BEST4: variants seen among roughly 807,000 people sequenced by gnomAD.
BEST4 encodes the protein bestrophin 4, also known as bestrophin-4.
In BEST4, 36 loss-of-function variants were observed where a neutral mutation model predicts 47.1. The observed-to-expected ratio is 0.76, with a 90% confidence interval of 0.59 to 1.01. The LOEUF is 1.01. Ranked by LOEUF, BEST4 falls within the 50% of genes least tolerant of loss-of-function variation. The probability of loss-of-function intolerance (pLI) is 0.00; values close to 1 mark genes in which losing one functional copy is unlikely to be tolerated. For missense variants in BEST4, 550 were observed against 648.6 expected, an observed-to-expected ratio of 0.85 and a Z score of 1.65; for synonymous variants, 250 against 277.8, an observed-to-expected ratio of 0.90 and a Z score of 1.00.
intron 6 of BEST4, 54 bp downstream of exon 6, chr1:44,785,054 C>A: frequency 6.2e-7 from 1 of 1,609,802 alleles, no homozygotes; most frequent in Non-Finnish European, 8.5e-7. Flanking sequence ...TCGGGGCAGC[C>A]CCTCTGCCCA....
chr1:44,787,337 A>AG (rs748066112), intron 2 of BEST4, 35 bp downstream of exon 2: 1 of 1,606,772 alleles, frequency 6.2e-7, no homozygotes, highest in South Asian at 1.1e-5. Flanking sequence ...GAACACAGTA[A>AG]GGGGGACACA....
downstream of BEST4, among the ~76,000 whole-genome samples, chr1:44,782,230 C>T (rs998328525): frequency 1.5e-5 from 2 of 135,624 alleles, no homozygotes; most frequent in African/African-American, 6.3e-5. Flanking sequence ...CTTGTAAAAG[C>T]TGCAGAAAAA....
At chr1:44,788,312 A>G (rs553987730), upstream of BEST4, among the ~76,000 whole-genome samples, 1 of 152,328 alleles carries the variant, frequency 6.6e-6, no homozygotes, top group South Asian at 2.1e-4. Context: ...TTACCCCTGT[A>G]GGGTTGGGCT....
chr1:44,792,708 C>T (rs79513254), upstream of BEST4, among the ~76,000 whole-genome samples: 3 of 152,122 alleles, frequency 2.0e-5, no homozygotes, highest in Admixed American at 6.6e-5. Flanking sequence ...CTTGACCCTC[C>T]TCCGTTGGCC....
In BEST4 at chr1:44,784,660, G is replaced by C; in HGVS notation, c.1117C>G (p.Pro373Ala). 6.2e-7 allele frequency: 1 copy of C among 1,613,552 alleles called. No individual in the cohort carries two copies. Among genetic ancestry groups the C allele is most frequent in the South Asian group, 1.1e-5 (1 of 91,038 alleles). Residue 373 changes from proline to alanine, a missense_variant, in exon 8 of 9, where the codon CCC (proline) becomes GCC (alanine). Transcript: ENST00000372207. This position sits in a 1 kb window ranked among gnomAD's most constrained non-coding sequence, Gnocchi z 6.2. ...TTGAAGGTGGAGCCCAGGAATGAGG[G>C]CCGCAGAGACTCGGCCGCCGTGGCC... ...TVATAAESLR[P>A]SFLGSTFNLR...
At chr1:44,783,172 CT>C (rs1298161689), downstream of BEST4, among the ~76,000 whole-genome samples, 1 of 152,206 alleles carries the variant, frequency 6.6e-6, no homozygotes, top group Admixed American at 6.5e-5. Context: ...CCAGGCTGGT[CT>C]TTAACTCCTG....
chr1:44,788,894 G>T (rs910057279), upstream of BEST4, among the ~76,000 whole-genome samples: 2 of 152,176 alleles, frequency 1.3e-5, no homozygotes, highest in Admixed American at 6.5e-5. Flanking sequence ...ACTCCTAGGG[G>T]TGCCCAAGAT....
rs41269079 is a variant in BEST4, at chr1:44,786,343, T to A, written c.482-115A>T. 266,421 of 1,454,302 alleles carry A rather than the reference T, an allele frequency of 0.18. 25,261 individuals are homozygous for A. The highest frequency in any genetic ancestry group is 0.19 in the Non-Finnish European group (209,059 of 1,085,324). The allele number at this position is 1,454,302 out of a possible 1,614,324, so 90.1% of individuals were successfully genotyped here. On this transcript the variant is annotated intron_variant, in intron 3 of 8. Transcript: ENST00000372207. The surrounding 1 kb of genome is among the most constrained non-coding windows in gnomAD (Gnocchi z 4.9). Reference sequence around the variant, plus strand: ...CACCGGCTGTCCCAGGACTCGCGGTTCCGCGTTCCTGTCGCAGTCCAGACC... The same window carrying A: ...CACCGGCTGTCCCAGGACTCGCGGTACCGCGTTCCTGTCGCAGTCCAGACC...
chr1:44,784,821 C>T lies in BEST4; in HGVS notation c.994-38G>A, dbSNP rs776518836. On this transcript the variant is annotated intron_variant, in intron 7 of 8. Transcript: ENST00000372207. The surrounding 1 kb of genome is among the most constrained non-coding windows in gnomAD (Gnocchi z 6.2). ...CAAGTTACAAGGATCCTCCTCTCCT[C>T]TCCTTCCCACGGCCGGGCTGAGAGC... The T allele has an allele frequency of 1.1e-5, 18 of 1,601,638 alleles. No individual in the cohort carries two copies. The highest frequency in any genetic ancestry group is 2.2e-5 in the East Asian group (1 of 44,780).
rs1285159977 is a variant in BEST4, at chr1:44,786,740, G to A, written c.248-44C>T. On this transcript the variant is annotated intron_variant, in intron 2 of 8. Coordinates refer to ENST00000372207, the MANE Select transcript of BEST4 (RefSeq NM_153274.3). The surrounding 1 kb of genome is among the most constrained non-coding windows in gnomAD (Gnocchi z 4.9). ...AGAGGGAGTAGGAAGGGAGAGTGGA[G>A]AGCCTGGGGGTCGGAGCGCCTCACC... 7 of 1,469,030 alleles carry A rather than the reference G, an allele frequency of 4.8e-6. No individual in the cohort carries two copies. In the African/African-American group the frequency reaches 8.4e-5, roughly 18 times the overall value. 91.0% of individuals were successfully genotyped at this position (1,469,030 alleles called of 1,614,324 possible).
intron 5 of BEST4, 79 bp from the exon 6 acceptor site, chr1:44,785,384 G>T: frequency 7.0e-7 from 1 of 1,429,612 alleles, no homozygotes; most frequent in African/African-American, 1.4e-5. Context: ...GAGGATCTAT[G>T]GGAAGTCTGA....
Position 44,784,387 on chromosome 1 carries a change from G to A in BEST4, c.1245C>T (p.Phe415=). 7.1e-7 allele frequency: 1 copy of A among 1,402,400 alleles called. No individual in the cohort carries two copies. The highest frequency in any genetic ancestry group is 3.0e-5 in the East Asian group (1 of 33,662). The allele number at this position is 1,402,400 out of a possible 1,614,324, so 86.9% of individuals were successfully genotyped here. A position where few individuals can be genotyped will look rare whatever the true frequency, so the allele number is the denominator to read the frequency against. ...CCGGGGAGGGCGCCCCTACGCCCAG[G>A]AAGCGGCCGAGCAACGGGGTCTGCG... The part of the protein sequence containing the change: ...PAAQTPLLGR[F]LGVGAPSPAI... Residue 415 remains phenylalanine, a synonymous_variant, in exon 9 of 9, where the codon TTC becomes TTT. Coordinates refer to ENST00000372207, the MANE Select transcript of BEST4 (RefSeq NM_153274.3). This position sits in a 1 kb window ranked among gnomAD's most constrained non-coding sequence, Gnocchi z 6.2.
upstream of BEST4, among the ~76,000 whole-genome samples, chr1:44,788,628 C>T (rs1004468902): frequency 6.6e-6 from 1 of 152,220 alleles, no homozygotes; most frequent in Non-Finnish European, 1.5e-5. Context: ...TGCCCGCCGT[C>T]GGCCATACAG....
rs950394225 is a variant in BEST4 at position 44,786,297 on chromosome 1, C to G, written c.482-69G>C. 8.5e-6 allele frequency: 13 copies of G among 1,523,782 alleles called. No homozygotes were observed. Among genetic ancestry groups the G allele is most frequent in the Non-Finnish European group, 1.1e-5 (13 of 1,132,252 alleles). The allele number at this position is 1,523,782 out of a possible 1,614,324, so 94.4% of individuals were successfully genotyped here. ...CCAGGGGAGGCTGCTGTTCCGCCGT[C>G]TGGCTCCCCTCCCTCGCGTCCACCG... On this transcript the variant is annotated intron_variant, in intron 3 of 8. Transcript: ENST00000372207. This position sits in a 1 kb window ranked among gnomAD's most constrained non-coding sequence, Gnocchi z 4.9.
chr1:44,785,591 G>T lies in BEST4; in HGVS notation c.714+8C>A. 1 of 1,549,934 alleles carries T rather than the reference G, an allele frequency of 6.5e-7. No homozygotes were observed. The highest frequency in any genetic ancestry group is 8.7e-7 in the Non-Finnish European group (1 of 1,145,276). On this transcript the variant is annotated splice_region_variant and intron_variant, in intron 5 of 8. Coordinates refer to ENST00000372207, the MANE Select transcript of BEST4 (RefSeq NM_153274.3). ...GGCACTGGGACTCGGGAGGGGAGAGGCAGTTACTTGGGTGTAGACGAGGGG... is the reference window on the plus strand; with the variant it reads ...GGCACTGGGACTCGGGAGGGGAGAGTCAGTTACTTGGGTGTAGACGAGGGG...
chr1:44,785,923 T>A, intron 4 of BEST4, 151 bp downstream of exon 4: 1 of 996,792 alleles, frequency 1.0e-6, no homozygotes, highest in South Asian at 1.6e-5. Context: ...CAAGAGTTGC[T>A]GTAAGGGATG....
downstream of BEST4, among the ~76,000 whole-genome samples, chr1:44,782,237 A>G (rs1651061710): frequency 3.5e-5 from 3 of 85,106 alleles, no homozygotes; most frequent in African/African-American, 1.6e-4. Context: ...AAGCTGCAGA[A>G]AAAAAAAAAA....
At position 44,785,639 on chromosome 1, in the gene BEST4, A is replaced by G; in HGVS notation, c.674T>C (p.Phe225Ser). ...NKYRAKCSML[F>S]HYDWISIPLV... is the part of the protein sequence containing the mutation. ...GGGGATGCTGATCCAGTCATAGTGG[A>G]ATAGCATGCTGCACTTGGCTCGGTA... The change falls in exon 5 of 9, where the codon TTC becomes TCC. Residue 225 changes from phenylalanine (F) to serine (S), a missense_variant. This residue lies in a region of BEST4 where 291 missense variants were observed against 342.4 expected (regional missense o/e 0.85). Transcript: ENST00000372207. The G allele has an allele frequency of 2.6e-6, 4 of 1,555,380 alleles. No individual in the cohort carries two copies. The highest frequency in any genetic ancestry group is 3.5e-6 in the Non-Finnish European group (4 of 1,149,314).
At position 44,786,259 on chromosome 1, in the gene BEST4, G is replaced by A. The variant is rs1192768027; in HGVS notation, c.482-31C>T. 1 of 1,574,848 alleles carries A rather than the reference G, an allele frequency of 6.3e-7. No homozygotes were observed. The highest frequency in any genetic ancestry group is 8.6e-7 in the Non-Finnish European group (1 of 1,159,698). ...GGGGTAAAGCAGGTGGGGTGCAGTT[G>A]CACCCTCTGCCGCCAGGGGAGGCTG... On this transcript the variant is annotated intron_variant, in intron 3 of 8. Transcript: ENST00000372207. This position sits in a 1 kb window ranked among gnomAD's most constrained non-coding sequence, Gnocchi z 4.9.
Sources: allele counts gnomAD v4.1 joint callset (sites outside exome capture counted in the v4.1 genomes callset), GRCh38; gene constraint gnomAD v4.1.1; regional missense constraint gnomAD v4.1.1; non-coding constraint Gnocchi (gnomAD v3.1); transcripts MANE v1.5; gene names NCBI Gene and HGNC (gene_info 2026-07-23, HGNC 2026-07-21).